The following CHRM3 variants were observed in gnomAD, a reference collection of about 807,000 sequenced individuals.
CHRM3 encodes cholinergic receptor muscarinic 3, also known as muscarinic acetylcholine receptor M3.
A neutral mutation model predicts 41.8 loss-of-function variants in CHRM3; 11 were observed. The ratio of observed to expected loss-of-function variants is 0.26; its 90% CI spans 0.17 to 0.44. CHRM3 has a LOEUF of 0.44. Ranked by LOEUF, CHRM3 falls within the 20% of genes least tolerant of loss-of-function variation. The pLI, the probability that CHRM3 is intolerant of heterozygous loss-of-function variation, is 1.00. For synonymous variants in CHRM3, 297 were observed against 301.4 expected (o/e 0.99, Z 0.15); for missense variants, 571 against 745.4 (o/e 0.77, Z 2.72).
chr1:239,829,778 T>A (rs927359993), intron 6 of CHRM3, among the ~76,000 whole-genome samples: 22 of 152,138 alleles, frequency 1.4e-4, no homozygotes, highest in Non-Finnish European at 2.6e-4. Flanking sequence ...CTGTGCTCAA[T>A]TTCCCTATCT....
At chr1:239,636,952 A>T (rs567060917) in intron 4 of CHRM3, among the ~76,000 whole-genome samples, 1 of 152,330 alleles carries the variant, frequency 6.6e-6, no homozygotes, top group African/African-American at 2.4e-5. Context: ...TTTGGATGGC[A>T]CATTGGATAG....
chr1:239,618,164 G>A (rs1053627066), intron 3 of CHRM3, among the ~76,000 whole-genome samples: 4 of 151,432 alleles, frequency 2.6e-5, no homozygotes, highest in Admixed American at 6.6e-5. Context: ...ATGTGTATCT[G>A]TCTGGGCAGT....
At chr1:239,773,655 A>G (rs1235025507) in intron 5 of CHRM3, among the ~76,000 whole-genome samples, 1 of 152,210 alleles carries the variant, frequency 6.6e-6, no homozygotes, top group Non-Finnish European at 1.5e-5. Flanking sequence ...AGTCCTCACT[A>G]GCAGTCCTAC....
intron 5 of CHRM3, among the ~76,000 whole-genome samples, chr1:239,681,302 G>T (rs556551825): frequency 6.6e-6 from 1 of 152,220 alleles, no homozygotes; most frequent in South Asian, 2.1e-4. Flanking sequence ...AGAAGATAAG[G>T]TGTCATAAGA....
chr1:239,635,707 A>G (rs556264065), intron 4 of CHRM3, among the ~76,000 whole-genome samples: 7 of 152,294 alleles, frequency 4.6e-5, no homozygotes, highest in African/African-American at 1.7e-4. Context: ...GCACCTGTTT[A>G]TATTTTGTCG....
intron 5 of CHRM3, among the ~76,000 whole-genome samples, chr1:239,697,887 A>C (rs1302458287): frequency 1.3e-5 from 2 of 152,196 alleles, no homozygotes; most frequent in Admixed American, 6.5e-5. Flanking sequence ...TCTTCAAAAA[A>C]TAAAAGTAAA....
chr1:239,398,170 T>C (rs1659658385), intron 1 of CHRM3, among the ~76,000 whole-genome samples: 1 of 152,138 alleles, frequency 6.6e-6, no homozygotes, highest in Admixed American at 6.5e-5. Flanking sequence ...TGTAAGACAA[T>C]AAAAGATTAC....
intron 4 of CHRM3, among the ~76,000 whole-genome samples, chr1:239,672,599 TACACAC>T (rs35094370): frequency 2.1e-5 from 3 of 145,944 alleles, no homozygotes; most frequent in South Asian, 2.3e-4. Flanking sequence ...TTCTTCCCAC[TACACAC>T]ACACACACAC....
In CHRM3 at chr1:239,666,487, C is replaced by T. The variant is rs114081231; in HGVS notation, c.-249-11699C>T. Among the ~76,000 whole-genome samples the T allele has an allele frequency of 9.6e-3, 1,460 of 152,084 alleles. 19 individuals are homozygous for T. The highest frequency in any genetic ancestry group is 0.034 in the African/African-American group (1,406 of 41,476). On this transcript the variant is annotated intron_variant, in intron 4 of 6. Transcript: ENST00000676153. ...GATTACAGGCGTGAGTCACCGAGCC[C>T]GGCCTGTTACTTATTTCTGGACAGT...
intron 1 of CHRM3, among the ~76,000 whole-genome samples, chr1:239,398,034 T>C (rs1304280385): frequency 6.6e-6 from 1 of 152,042 alleles, no homozygotes; most frequent in Non-Finnish European, 1.5e-5. Flanking sequence ...ATTTAAGAAA[T>C]AGTTCTGTTG....
intron 5 of CHRM3, among the ~76,000 whole-genome samples, chr1:239,683,029 T>C (rs745638154): frequency 1.3e-5 from 2 of 152,114 alleles, no homozygotes; most frequent in Non-Finnish European, 1.5e-5. Context: ...AAATAGACAA[T>C]ACAGTATTGT....
chr1:239,630,008 A>G (rs1416456631), intron 3 of CHRM3, among the ~76,000 whole-genome samples: 1 of 152,216 alleles, frequency 6.6e-6, no homozygotes, highest in Non-Finnish European at 1.5e-5. Context: ...TTAATTTTCA[A>G]TAGAATGAAT....
intron 6 of CHRM3, among the ~76,000 whole-genome samples, chr1:239,854,452 G>A (rs1674946133): frequency 6.6e-6 from 1 of 152,020 alleles, no homozygotes. Context: ...GAAATGACTA[G>A]GAACAAGAAA....
chr1:239,897,308 C>T (rs1177201772), intron 6 of CHRM3, among the ~76,000 whole-genome samples: 1 of 151,688 alleles, frequency 6.6e-6, no homozygotes, highest in Non-Finnish European at 1.5e-5. Flanking sequence ...TAAATATGGA[C>T]CTGGAAAAAA....
In CHRM3 at chr1:239,843,516, G is replaced by A. The variant is rs116836127; in HGVS notation, c.-20+16138G>A. Among the ~76,000 whole-genome samples, 1,308 of 137,132 alleles carry A rather than the reference G, an allele frequency of 9.5e-3. 19 individuals carry two copies. Among genetic ancestry groups the A allele is most frequent in the African/African-American group, 0.035 (1,263 of 36,048 alleles). 90.0% of individuals were successfully genotyped at this position (137,132 alleles called of 152,430 possible). On this transcript the variant is annotated intron_variant, in intron 6 of 6. Coordinates refer to ENST00000676153, the MANE Select transcript of CHRM3 (RefSeq NM_001375978.1). ...TCATTTGCTTTAATATAGCAGATTAGCTGGAGGCATGGTTCAGCAAATGGT... is the reference window on the plus strand; with the variant it reads ...TCATTTGCTTTAATATAGCAGATTAACTGGAGGCATGGTTCAGCAAATGGT...
chr1:239,576,829 C>T lies in CHRM3; in HGVS notation c.-313+31080C>T, dbSNP rs1239613813. On this transcript the variant is annotated intron_variant, in intron 3 of 6. Coordinates refer to ENST00000676153, the MANE Select transcript of CHRM3 (RefSeq NM_001375978.1). The stretch of plus-strand genomic sequence containing the variant: ...AAAATCACCATTTCTGCACAGCTAC[C>T]GCAGACTATAGGTGTTTCATCAGAG... 5.3e-5 allele frequency among the ~76,000 whole-genome samples: 8 copies of T among 151,876 alleles called. No individual in the cohort carries two copies. In the East Asian group the frequency reaches 7.7e-4, roughly 15 times the overall value.
chr1:239,725,831 A>C (rs924033761), intron 5 of CHRM3, among the ~76,000 whole-genome samples: 3 of 151,974 alleles, frequency 2.0e-5, no homozygotes, highest in African/African-American at 7.2e-5. Flanking sequence ...GGTAAAAATA[A>C]TGGCTTGAAT....
intron 3 of CHRM3, among the ~76,000 whole-genome samples, chr1:239,547,125 A>G (rs529840446): frequency 1.3e-5 from 2 of 152,332 alleles, no homozygotes; most frequent in African/African-American, 4.8e-5. Context: ...GGTCTGTTAC[A>G]TGAATAAAAT....
chr1:239,416,189 A>G (rs1661488428), intron 1 of CHRM3, among the ~76,000 whole-genome samples: 1 of 152,222 alleles, frequency 6.6e-6, no homozygotes, highest in African/African-American at 2.4e-5. Context: ...TTTATTAAAT[A>G]AAAGTTTTGT....
Sources: gnomAD v4.1 joint callset for allele counts (sites outside exome capture counted in the v4.1 genomes callset) on GRCh38, gnomAD v4.1.1 for gene constraint, MANE v1.5 for transcripts, NCBI Gene and HGNC (gene_info 2026-07-23, HGNC 2026-07-21) for gene names.